OSBPL9: variants seen among roughly 807,000 people sequenced by gnomAD.
OSBPL9 encodes the protein oxysterol binding protein like 9.
A neutral mutation model predicts 106.6 loss-of-function variants in OSBPL9; 40 were observed. The ratio of observed to expected loss-of-function variants is 0.38; its 90% CI spans 0.29 to 0.49. OSBPL9 has a LOEUF of 0.49. Ranked by LOEUF, OSBPL9 falls within the 20% of genes least tolerant of loss-of-function variation. The pLI is 0.97. For missense variants in OSBPL9, 609 were observed against 887.2 expected (o/e 0.69, Z 3.98); for synonymous variants, 269 against 295.4 (o/e 0.91, Z 0.92).
At chr1:51,620,664 G>A (rs1644370492) in intron 1 of OSBPL9, among the ~76,000 whole-genome samples, 1 of 152,154 alleles carries the variant, frequency 6.6e-6, no homozygotes, top group Non-Finnish European at 1.5e-5. Context: ...CTGGAGGTTG[G>A]GCTGTGAGGT....
At chr1:51,598,862 C>T (rs925974882) in intron 2 of OSBPL9, among the ~76,000 whole-genome samples, 7 of 152,022 alleles carry the variant, frequency 4.6e-5, no homozygotes, top group African/African-American at 7.2e-5. Flanking sequence ...GGCATGGTGG[C>T]GCACCCCTGT....
the OSBPL9 span, among the ~76,000 whole-genome samples, chr1:51,532,308 G>A: frequency 6.6e-6 from 1 of 152,124 alleles, no homozygotes; most frequent in Non-Finnish European, 1.5e-5. Context: ...GCATTTTTTA[G>A]AAAGTGAACG....
chr1:51,750,405 A>T (rs1210802799), intron 8 of OSBPL9, among the ~76,000 whole-genome samples: 3 of 152,188 alleles, frequency 2.0e-5, no homozygotes, highest in Non-Finnish European at 4.4e-5. Context: ...GCTGGGAAGG[A>T]GGGGAGCATG....
intron 2 of OSBPL9, among the ~76,000 whole-genome samples, chr1:51,601,289 A>T (rs1645324355): frequency 6.6e-6 from 1 of 152,190 alleles, no homozygotes; most frequent in Non-Finnish European, 1.5e-5. Flanking sequence ...ATTAGATAGG[A>T]GATTAGATCT....
chr1:51,546,467 G>A, the OSBPL9 span, among the ~76,000 whole-genome samples: 1 of 152,112 alleles, frequency 6.6e-6, no homozygotes, highest in African/African-American at 2.4e-5. Context: ...GGATGCCGAG[G>A]CGGGTGGATC....
intron 2 of OSBPL9, among the ~76,000 whole-genome samples, chr1:51,665,601 C>G (rs1261655814): frequency 6.6e-6 from 1 of 152,040 alleles, no homozygotes; most frequent in African/African-American, 2.4e-5. Context: ...TTGAGTAATT[C>G]AACAAATCAA....
chr1:51,788,487 C>G lies in OSBPL9; in HGVS notation c.*698C>G, dbSNP rs1262395916. 8 of 152,266 alleles carry G rather than the reference C, an allele frequency of 5.3e-5. No individual in the cohort carries two copies. Among genetic ancestry groups the G allele is most frequent in the African/African-American group, 1.2e-4 (5 of 41,314 alleles). 9.4% of individuals were successfully genotyped at this position (152,266 alleles called of 1,614,324 possible). A position where few individuals can be genotyped will look rare whatever the true frequency, so the allele number is the denominator to read the frequency against. On this transcript the variant is annotated 3_prime_UTR_variant, in exon 24 of 24. Transcript: ENST00000428468. ...TTTAAAAATGTGCATCTTTTATTAT[C>G]TTTTATGGTTAAACTTGGAAGCCAA...
chr1:51,617,017 ACCCGC>A, upstream of OSBPL9: 3 of 1,405,510 alleles, frequency 2.1e-6, no homozygotes, highest in Non-Finnish European at 1.9e-6. Context: ...CCCGCCCAGG[ACCCGC>A]CCCGCCCCCT....
chr1:51,556,691 C>T, the OSBPL9 span, among the ~76,000 whole-genome samples: 9,081 of 151,634 alleles, frequency 0.06, 867 homozygotes, highest in African/African-American at 0.2. Context: ...GAGGCTGAGG[C>T]AGGAGAAATG....
intron 4 of OSBPL9, chr1:51,724,911 A>G (rs536984835): frequency 1.1e-5 from 2 of 187,958 alleles, no homozygotes; most frequent in African/African-American, 2.4e-5. Context: ...AAGGGTGTCT[A>G]TGCCATTTTT....
intron 1 of OSBPL9, among the ~76,000 whole-genome samples, chr1:51,589,181 C>T (rs550207860): frequency 5.9e-5 from 9 of 152,124 alleles, no homozygotes; most frequent in East Asian, 5.8e-4. Context: ...CTTGAACTCC[C>T]GGGCTCAAGT....
chr1:51,669,630 C>A, intron 3 of OSBPL9, 118 bp downstream of exon 3: 17 of 825,692 alleles, frequency 2.1e-5, no homozygotes, highest in Non-Finnish European at 2.7e-5. Flanking sequence ...TGAACGAGTG[C>A]ATAGGAACAT....
intron 14 of OSBPL9, among the ~76,000 whole-genome samples, chr1:51,775,011 T>C (rs758659996): frequency 6.6e-6 from 1 of 152,238 alleles, no homozygotes; most frequent in African/African-American, 2.4e-5. Context: ...TAAAGGTATT[T>C]ATCCATGTTT....
chr1:51,664,650 C>T (rs1647995118), intron 2 of OSBPL9, among the ~76,000 whole-genome samples: 1 of 152,074 alleles, frequency 6.6e-6, no homozygotes, highest in Non-Finnish European at 1.5e-5. Flanking sequence ...TGAGATCATG[C>T]CACTGCAGTC....
At chr1:51,705,574 C>A (rs1658374527) in intron 3 of OSBPL9, among the ~76,000 whole-genome samples, 1 of 151,276 alleles carries the variant, frequency 6.6e-6, no homozygotes, top group Non-Finnish European at 1.5e-5. Context: ...TGCCACCACA[C>A]CCAGCTAATT....
chr1:51,595,270 G>C (rs1053652560), intron 1 of OSBPL9, among the ~76,000 whole-genome samples: 1 of 152,092 alleles, frequency 6.6e-6, no homozygotes, highest in African/African-American at 2.4e-5. Flanking sequence ...TGCCTCTGGG[G>C]TGCTCGACTT....
At chr1:51,600,242 T>C (rs1645320192) in intron 2 of OSBPL9, among the ~76,000 whole-genome samples, 1 of 152,192 alleles carries the variant, frequency 6.6e-6, no homozygotes, top group Non-Finnish European at 1.5e-5. Context: ...CCTATGAACC[T>C]AGCACTAAGA....
At chr1:51,656,616 A>T (rs1646829165) in intron 2 of OSBPL9, among the ~76,000 whole-genome samples, 1 of 148,408 alleles carries the variant, frequency 6.7e-6, no homozygotes. Context: ...TATCCTCTAC[A>T]TTTTTTTTTC....
At chr1:51,732,475 A>C (rs1019293049) in intron 4 of OSBPL9, among the ~76,000 whole-genome samples, 1 of 152,240 alleles carries the variant, frequency 6.6e-6, no homozygotes, top group Non-Finnish European at 1.5e-5. Flanking sequence ...AATAGTTCTT[A>C]TACTGACAAT....
Sources: allele counts gnomAD v4.1 joint callset (sites outside exome capture counted in the v4.1 genomes callset), GRCh38; gene constraint gnomAD v4.1.1; transcripts MANE v1.5; gene names NCBI Gene and HGNC (gene_info 2026-07-23, HGNC 2026-07-21).